PIEZO2: variants seen among roughly 807,000 people sequenced by gnomAD.
The protein encoded by PIEZO2 is piezo-type mechanosensitive ion channel component 2.
In PIEZO2, 172 loss-of-function variants were observed where a neutral mutation model predicts 337.3. That is an observed-to-expected ratio of 0.51 (90% CI 0.45 to 0.58). The LOEUF is 0.58. Among genes scored for constraint, PIEZO2 ranks in the 20% least tolerant of loss-of-function variants. The pLI is 0.00. For missense variants in PIEZO2, 3,028 were observed against 3,391.3 expected, an observed-to-expected ratio of 0.89 and a Z score of 2.66; for synonymous variants, 1,251 against 1,228.5, an observed-to-expected ratio of 1.02 and a Z score of -0.38.
At position 11,094,082 on chromosome 18, in the gene PIEZO2, G is replaced by T. The variant is rs762269475; in HGVS notation, c.65-27860C>A. 6.6e-6 allele frequency among the ~76,000 whole-genome samples: 1 copy of T among 151,916 alleles called. No homozygotes were observed. The highest frequency in any genetic ancestry group is 1.5e-5 in the Non-Finnish European group (1 of 67,984). ...CAACCTCTGCCTCCTGGGTTCAAGCGATTCTCCTGCTTCAGCCTCCCAAGT... is the reference window on the plus strand; with the variant it reads ...CAACCTCTGCCTCCTGGGTTCAAGCTATTCTCCTGCTTCAGCCTCCCAAGT... On this transcript the variant is annotated intron_variant, in intron 1 of 55. Transcript: ENST00000674853. The surrounding 1 kb of genome is among the most constrained non-coding windows in gnomAD (Gnocchi z 4.4).
At position 10,760,811 on chromosome 18, in the gene PIEZO2, C is replaced by T. The variant is rs2038095599; in HGVS notation, c.3450+100G>A. 5.4e-6 allele frequency: 5 copies of T among 931,872 alleles called. No homozygotes were observed. The Admixed American group carries it at 9.1e-5, about 17-fold the overall frequency. 57.7% of individuals were successfully genotyped at this position (931,872 alleles called of 1,614,324 possible). ...CTTCTCAAGGGGACAGCTATCATGC[C>T]TGCAGATGTATCACAAAGTTCCAGT... is the stretch of plus-strand genomic sequence containing the variant. On this transcript the variant is annotated intron_variant, in intron 24 of 55. Transcript: ENST00000674853.
At chr18:10,968,247 T>A (rs533802868) in intron 3 of PIEZO2, among the ~76,000 whole-genome samples, 51 of 152,336 alleles carry the variant, frequency 3.3e-4, no homozygotes, top group African/African-American at 1.2e-3. Context: ...TTATCAAAGA[T>A]CAGTTAGCTG....
intron 2 of PIEZO2, among the ~76,000 whole-genome samples, chr18:10,994,745 CA>C (rs1038119070): frequency 6.6e-6 from 1 of 151,796 alleles, no homozygotes; most frequent in Non-Finnish European, 1.5e-5. Flanking sequence ...TATTGTTTTC[CA>C]CAGTGGTTGT....
At chr18:10,836,009 A>G (rs2041000118) in intron 7 of PIEZO2, among the ~76,000 whole-genome samples, 1 of 152,252 alleles carries the variant, frequency 6.6e-6, no homozygotes, top group African/African-American at 2.4e-5. Context: ...TAATGTAAAC[A>G]GGTCCAAATA....
Position 10,672,542 on chromosome 18 carries a change from G to A in PIEZO2, c.8345+148C>T. The A allele has an allele frequency of 2.3e-6, 2 of 867,672 alleles. No homozygotes were observed. The highest frequency in any genetic ancestry group is 3.4e-6 in the Non-Finnish European group (2 of 582,966). The allele number at this position is 867,672 out of a possible 1,614,324, so 53.7% of individuals were successfully genotyped here. A position where few individuals can be genotyped will look rare whatever the true frequency, so the allele number is the denominator to read the frequency against. ...TTGGGACTCTGGTGCCTCATTTTTT[G>A]AAATAAAATGCACACAAGGATGTGT... On this transcript the variant is annotated intron_variant, in intron 55 of 55. Transcript: ENST00000674853. This position sits in a 1 kb window ranked among gnomAD's most constrained non-coding sequence, Gnocchi z 4.7.
At position 11,021,391 on chromosome 18, in the gene PIEZO2, T is replaced by C. The variant is rs578172910; in HGVS notation, c.161-41731A>G. 1.1e-3 allele frequency among the ~76,000 whole-genome samples: 170 copies of C among 152,318 alleles called. 2 individuals carry two copies. The highest frequency in any genetic ancestry group is 4.0e-3 in the African/African-American group (165 of 41,568). On this transcript the variant is annotated intron_variant, in intron 2 of 55. Coordinates refer to ENST00000674853, the MANE Select transcript of PIEZO2 (RefSeq NM_001378183.1). This position sits in a 1 kb window ranked among gnomAD's most constrained non-coding sequence, Gnocchi z 4.7. ...TTCCTTCTACAAAAGCATCCCACTC[T>C]TGTATTCCATGCAACCTGCGTGTGT... is the stretch of plus-strand genomic sequence containing the variant.
In PIEZO2 at chr18:11,128,732, T is replaced by C. The variant is rs1599003234; in HGVS notation, c.64+19793A>G. Among the ~76,000 whole-genome samples, 1 of 152,108 alleles carries C rather than the reference T, an allele frequency of 6.6e-6. No homozygotes were observed. The highest frequency in any genetic ancestry group is 1.9e-4 in the East Asian group (1 of 5,176). ...CTCTGTTTGCTTCTAGACCTATAAA[T>C]AGACTAAAGTCCTGGCAGGTCCCTA... On this transcript the variant is annotated intron_variant, in intron 1 of 55. Coordinates refer to ENST00000674853, the MANE Select transcript of PIEZO2 (RefSeq NM_001378183.1). This position sits in a 1 kb window ranked among gnomAD's most constrained non-coding sequence, Gnocchi z 4.1.
rs2040160255 is a variant in PIEZO2, at chr18:11,125,584, T to C, written c.64+22941A>G. Among the ~76,000 whole-genome samples the C allele has an allele frequency of 6.6e-6, 1 of 152,136 alleles. No homozygotes were observed. Among genetic ancestry groups the C allele is most frequent in the Admixed American group, 6.5e-5 (1 of 15,276 alleles). ...AGACACACTCCATTCCAAATAAAGA[T>C]TACCCTGCAGAGAAGAGCATCCTGG... On this transcript the variant is annotated intron_variant, in intron 1 of 55. Coordinates refer to ENST00000674853, the MANE Select transcript of PIEZO2 (RefSeq NM_001378183.1). This position sits in a 1 kb window ranked among gnomAD's most constrained non-coding sequence, Gnocchi z 4.4.
chr18:10,886,504 AT>A (rs2042612583), intron 4 of PIEZO2, among the ~76,000 whole-genome samples: 1 of 110,434 alleles, frequency 9.1e-6, no homozygotes, highest in African/African-American at 4.8e-5. Flanking sequence ...ATATACGCAT[AT>A]ACACATTATA....
At chr18:10,939,274 C>T (rs1476698570) in intron 3 of PIEZO2, among the ~76,000 whole-genome samples, 3 of 152,106 alleles carry the variant, frequency 2.0e-5, no homozygotes, top group African/African-American at 7.2e-5. Context: ...TTATCTACCA[C>T]AAAAGTGGTA....
chr18:11,001,127 T>C lies in PIEZO2; in HGVS notation c.161-21467A>G, dbSNP rs996375229. Among the ~76,000 whole-genome samples the C allele has an allele frequency of 6.6e-6, 1 of 152,100 alleles. No individual in the cohort carries two copies. Among genetic ancestry groups the C allele is most frequent in the African/African-American group, 2.4e-5 (1 of 41,420 alleles). On this transcript the variant is annotated intron_variant, in intron 2 of 55. Coordinates refer to ENST00000674853, the MANE Select transcript of PIEZO2 (RefSeq NM_001378183.1). This position sits in a 1 kb window ranked among gnomAD's most constrained non-coding sequence, Gnocchi z 5.3. ...TGTCTTGGTCATGGAGGGGATTGTG[T>C]GTCATGCCACAGAGCCATTTTGGTC...
In PIEZO2 at chr18:10,993,189, C is replaced by T. The variant is rs554244441; in HGVS notation, c.161-13529G>A. On this transcript the variant is annotated intron_variant, in intron 2 of 55. Coordinates refer to ENST00000674853, the MANE Select transcript of PIEZO2 (RefSeq NM_001378183.1). This position sits in a 1 kb window ranked among gnomAD's most constrained non-coding sequence, Gnocchi z 5.0. ...CTGCAAACAGAGACACTTTGACTTC[C>T]TCTTTTCCTATTTGAATACGCTTTA... 1.3e-5 allele frequency among the ~76,000 whole-genome samples: 2 copies of T among 152,294 alleles called. No individual in the cohort carries two copies. Among genetic ancestry groups the T allele is most frequent in the East Asian group, 3.9e-4 (2 of 5,166 alleles).
chr18:10,893,099 G>C (rs796712846), intron 4 of PIEZO2, among the ~76,000 whole-genome samples: 6 of 152,182 alleles, frequency 3.9e-5, no homozygotes, highest in African/African-American at 1.4e-4. Flanking sequence ...GAATCCCTTT[G>C]CTTAAAATTC....
chr18:11,006,495 T>C (rs2035725730), intron 2 of PIEZO2, among the ~76,000 whole-genome samples: 2 of 152,332 alleles, frequency 1.3e-5, no homozygotes, highest in Admixed American at 6.5e-5. Flanking sequence ...CATTAGTATA[T>C]GGCAAAGAAG....
At chr18:10,679,368 C>T (rs1449312546) in intron 52 of PIEZO2, among the ~76,000 whole-genome samples, 1 of 152,234 alleles carries the variant, frequency 6.6e-6, no homozygotes, top group East Asian at 1.9e-4. Flanking sequence ...ACAGAACTCA[C>T]TGTCAGCCTC....
At position 10,980,727 on chromosome 18, in the gene PIEZO2, T is replaced by C. The variant is rs569077270; in HGVS notation, c.161-1067A>G. ...AATGAACATACCTCTTCATTAACAA[T>C]AATCAAAAAGAAATAAGATGCAATT... On this transcript the variant is annotated intron_variant, in intron 2 of 55. Transcript: ENST00000674853. The surrounding 1 kb of genome is among the most constrained non-coding windows in gnomAD (Gnocchi z 4.8). 2.6e-5 allele frequency among the ~76,000 whole-genome samples: 4 copies of C among 152,268 alleles called. No individual in the cohort carries two copies. Among genetic ancestry groups the C allele is most frequent in the Admixed American group, 2.0e-4 (3 of 15,298 alleles).
chr18:10,977,678 A>C (rs112428864), intron 3 of PIEZO2, among the ~76,000 whole-genome samples: 3 of 151,154 alleles, frequency 2.0e-5, no homozygotes, highest in Non-Finnish European at 4.4e-5. Flanking sequence ...ATGGGATAAC[A>C]TGTGGTTTTT....
At chr18:10,892,400 C>T (rs1186566478) in intron 4 of PIEZO2, among the ~76,000 whole-genome samples, 2 of 152,110 alleles carry the variant, frequency 1.3e-5, no homozygotes, top group Non-Finnish European at 2.9e-5. Flanking sequence ...CTCCATGATT[C>T]CATTCACATG....
rs1242860290 is a variant in PIEZO2 at position 11,104,474 on chromosome 18, C to T, written c.65-38252G>A. Among the ~76,000 whole-genome samples, 3 of 152,158 alleles carry T rather than the reference C, an allele frequency of 2.0e-5. No homozygotes were observed. Among genetic ancestry groups the T allele is most frequent in the Non-Finnish European group, 4.4e-5 (3 of 68,044 alleles). On this transcript the variant is annotated intron_variant, in intron 1 of 55. Coordinates refer to ENST00000674853, the MANE Select transcript of PIEZO2 (RefSeq NM_001378183.1). This position sits in a 1 kb window ranked among gnomAD's most constrained non-coding sequence, Gnocchi z 4.6. ...CAGCAGAGATCAATGAACGCAGCTG[C>T]CCTTCTCTCTAGGGGTGGGGCAGGG...
Sources: allele counts gnomAD v4.1 joint callset (sites outside exome capture counted in the v4.1 genomes callset), GRCh38; gene constraint gnomAD v4.1.1; non-coding constraint Gnocchi (gnomAD v3.1); transcripts MANE v1.5; gene names NCBI Gene and HGNC (gene_info 2026-07-23, HGNC 2026-07-21).